The following COL6A2 variants were observed in gnomAD, a reference collection of about 807,000 sequenced individuals.
The protein encoded by COL6A2 is collagen alpha-2(VI) chain.
In COL6A2, 90 loss-of-function variants were observed where a neutral mutation model predicts 124.9. The ratio of observed to expected loss-of-function variants is 0.72; its 90% CI spans 0.61 to 0.86. The LOEUF (loss-of-function observed/expected upper bound fraction) is 0.86, where lower values mean the gene tolerates loss of function less well. Ranked by LOEUF, COL6A2 falls within the 40% of genes least tolerant of loss-of-function variation. COL6A2 has a pLI of 0.00. For synonymous variants in COL6A2, 793 were observed against 618.2 expected (o/e 1.28, Z -4.19); for missense variants, 1,607 against 1,502.5 (o/e 1.07, Z -1.15).
At chr21:46,111,936 G>GT in intron 2 of COL6A2, 43 bp from the exon 3 acceptor site, 1 of 1,587,844 alleles carries the variant, frequency 6.3e-7, no homozygotes, top group Non-Finnish European at 8.6e-7. Flanking sequence ...TCCAACAGCA[G>GT]TCCCTCCTGA....
At position 46,116,203 on chromosome 21, in the gene COL6A2, CA is replaced by C; in HGVS notation, c.900+154del. On this transcript the variant is annotated intron_variant, in intron 7 of 27. Transcript: ENST00000300527. This position sits in a 1 kb window ranked among gnomAD's most constrained non-coding sequence, Gnocchi z 4.6. ...CACCTCGATAACTTGATGGCCGTCCCAAAACCCAGCCTCCAGCCCGACCCAG... is the reference window on the plus strand; with the variant it reads ...CACCTCGATAACTTGATGGCCGTCCCAAACCCAGCCTCCAGCCCGACCCAG... 1 of 1,166,408 alleles carries C rather than the reference CA, an allele frequency of 8.6e-7. No homozygotes were observed. Among genetic ancestry groups the C allele is most frequent in the Non-Finnish European group, 1.2e-6 (1 of 800,840 alleles). The allele number at this position is 1,166,408 out of a possible 1,614,324, so 72.3% of individuals were successfully genotyped here. A position where few individuals can be genotyped will look rare whatever the true frequency, so the allele number is the denominator to read the frequency against.
Position 46,098,456 on chromosome 21 carries a change from T to TGGG in COL6A2, c.-28+288_-28+290dup, listed in dbSNP as rs34972836. On this transcript the variant is annotated intron_variant, in intron 1 of 27. Transcript: ENST00000300527. ...TGGGGCGGAGCCGGCCTGGGCGGGG[T>TGGG]GGGGGGGTCCCTGTCTGCGCCCGAG... Among the ~76,000 whole-genome samples, 222 of 151,020 alleles carry TGGG rather than the reference T, an allele frequency of 1.5e-3. 1 individual carries two copies. Among genetic ancestry groups the TGGG allele is most frequent in the African/African-American group, 5.2e-3 (213 of 41,280 alleles).
At chr21:46,124,156 T>TA (rs1334058356) in intron 21 of COL6A2, among the ~76,000 whole-genome samples, 1 of 149,016 alleles carries the variant, frequency 6.7e-6, no homozygotes, top group Non-Finnish European at 1.5e-5. Flanking sequence ...AGTGGATAGA[T>TA]AGATGGGTGG....
At chr21:46,104,294 G>T (rs1404589270) in intron 1 of COL6A2, among the ~76,000 whole-genome samples, 1 of 152,056 alleles carries the variant, frequency 6.6e-6, no homozygotes, top group Admixed American at 6.5e-5. Flanking sequence ...GAAAGTGAAA[G>T]AAAATGTAGG....
chr21:46,131,858 G>A (rs778737477), intron 27 of COL6A2, 96 bp from the exon 28 acceptor site: 5 of 1,174,124 alleles, frequency 4.3e-6, no homozygotes, highest in East Asian at 2.6e-5. Flanking sequence ...GAGGTTGCAG[G>A]CAGGGTGCGA....
chr21:46,132,087 G>A lies in COL6A2; in HGVS notation c.2595G>A (p.Leu865=), dbSNP rs1474756520. Residue 865 remains leucine, a synonymous_variant, in exon 28 of 28, where the codon CTG becomes CTA. Transcript: ENST00000300527. ...FVEQVARRLT[L]ARRDDDPLNA... ...AGCAGGTGGCGCGGCGGCTGACGCT[G>A]GCCCGGAGGGACGACGACCCTCTCA... 21 of 1,599,608 alleles carry A rather than the reference G, an allele frequency of 1.3e-5. No individual in the cohort carries two copies. The highest frequency in any genetic ancestry group is 1.7e-5 in the Non-Finnish European group (20 of 1,175,684).
chr21:46,121,523 G>A (rs2078565782), intron 17 of COL6A2, 33 bp from the exon 18 acceptor site: 1 of 1,609,864 alleles, frequency 6.2e-7, no homozygotes, highest in Non-Finnish European at 8.5e-7. Flanking sequence ...GTCCCTGCCT[G>A]TGCTGACTTC....
At chr21:46,129,373 G>A (rs138263499) in intron 27 of COL6A2, 58 of 1,612,990 alleles carry the variant, frequency 3.6e-5, no homozygotes, top group Middle Eastern at 1.6e-4. Context: ...ACCGCCGAGC[G>A]GGCCAAGTTC....
intron 25 of COL6A2, 58 bp from the exon 26 acceptor site, chr21:46,125,727 C>G: frequency 6.2e-7 from 1 of 1,601,020 alleles, no homozygotes; most frequent in Non-Finnish European, 8.5e-7. Context: ...CTCTGCATGG[C>G]TGGGGATGCC....
intron 27 of COL6A2, among the ~76,000 whole-genome samples, chr21:46,128,088 G>A (rs982180883): frequency 3.9e-5 from 6 of 152,166 alleles, no homozygotes; most frequent in Non-Finnish European, 5.9e-5. Flanking sequence ...CGTGGGCCTC[G>A]TAGGGTCCTG....
At chr21:46,121,923 C>T (rs891781678) in intron 18 of COL6A2, among the ~76,000 whole-genome samples, 185 bp from the exon 19 acceptor site, 7 of 152,108 alleles carry the variant, frequency 4.6e-5, no homozygotes, top group South Asian at 2.1e-4. Context: ...TCTCTAGGCA[C>T]GTCCAGCCCC....
Position 46,113,265 on chromosome 21 carries a change from C to A in COL6A2, c.735+441C>A, listed in dbSNP as rs114685799. On this transcript the variant is annotated intron_variant, in intron 4 of 27. Coordinates refer to ENST00000300527, the MANE Select transcript of COL6A2 (RefSeq NM_001849.4). ...TCCCCCGTGAGGCTTCCTGCAAAAA[C>A]GTGCCCTGCCTCAGAATCGCTGCTC... Among the ~76,000 whole-genome samples, 837 of 152,280 alleles carry A rather than the reference C, an allele frequency of 5.5e-3. 6 individuals carry two copies. The highest frequency in any genetic ancestry group is 0.019 in the African/African-American group (791 of 41,552).
rs779159544 is a variant in COL6A2 at position 46,125,473 on chromosome 21, A to C, written c.1825A>C (p.Lys609Gln). The C allele has an allele frequency of 6.2e-7, 1 of 1,604,388 alleles. No individual in the cohort carries two copies. Among genetic ancestry groups the C allele is most frequent in the Non-Finnish European group, 8.5e-7 (1 of 1,172,024 alleles). ...RETCGCCDCE[K>Q]RCGALDVVFV... The stretch of plus-strand genomic sequence containing the variant: ...CCCTGCCACCCCCCCAGACTGTGAG[A>C]AGCGCTGTGGCGCCCTGGACGTGGT... Residue 609 changes from lysine (K) to glutamine (Q), a missense_variant, in exon 25 of 28, where the codon AAG becomes CAG. Around this residue, in one of 3 missense-constraint regions of COL6A2, gnomAD observed 1,223 missense variants for 1,052.2 expected, o/e 1.16. Transcript: ENST00000300527.
chr21:46,111,076 T>C (rs915787), intron 1 of COL6A2, among the ~76,000 whole-genome samples: 125,261 of 152,158 alleles, frequency 0.82, 51,661 homozygotes, highest in East Asian at 0.89. Flanking sequence ...CTCTGCACTG[T>C]TTCCAGGGCA....
rs1188721465 is a variant in COL6A2 at position 46,132,043 on chromosome 21, A to G, written c.2551A>G (p.Lys851Glu). The change falls in exon 28 of 28, where the codon AAG becomes GAG. Residue 851 changes from lysine (K) to glutamate (E), a missense_variant. Coordinates refer to ENST00000300527, the MANE Select transcript of COL6A2 (RefSeq NM_001849.4). ...SERLGEQNFH[K>E]ARRFVEQVAR... ...GCGGCTGGGTGAGCAGAACTTCCAC[A>G]AGGCCCGGCGCTTCGTGGAGCAGGT... The G allele has an allele frequency of 2.5e-6, 4 of 1,608,022 alleles. No individual in the cohort carries two copies. Among genetic ancestry groups the G allele is most frequent in the Non-Finnish European group, 3.4e-6 (4 of 1,179,196 alleles).
chr21:46,132,563 C>CG lies in COL6A2; in HGVS notation c.*14dup. ...CGCTGGATCTGCTAGCGCCGCCGCC[C>CG]GGGCCCCGCAGTCGAGGGTCGTGAG... On this transcript the variant is annotated 3_prime_UTR_variant, in exon 28 of 28. Transcript: ENST00000300527. 6.3e-7 allele frequency: 1 copy of CG among 1,585,224 alleles called. No individual in the cohort carries two copies. Among genetic ancestry groups the CG allele is most frequent in the Non-Finnish European group, 8.5e-7 (1 of 1,171,136 alleles).
Position 46,112,633 on chromosome 21 carries a change from C to T in COL6A2, c.714+56C>T, listed in dbSNP as rs189875502. 4.2e-4 allele frequency: 666 copies of T among 1,598,224 alleles called. 1 individual carries two copies. Among genetic ancestry groups the T allele is most frequent in the Non-Finnish European group, 5.3e-4 (623 of 1,168,820 alleles). On this transcript the variant is annotated intron_variant, in intron 3 of 27. Transcript: ENST00000300527. The stretch of plus-strand genomic sequence containing the variant: ...GCCAGGGGTGGCCACGGTGGGCCGT[C>T]CACCCACTCCGGGCCTCACTTTACC...
intron 1 of COL6A2, among the ~76,000 whole-genome samples, chr21:46,100,340 TGG>T (rs1020827423): frequency 6.6e-6 from 1 of 152,134 alleles, no homozygotes; most frequent in Non-Finnish European, 1.5e-5. Flanking sequence ...TTGGGGTGTT[TGG>T]GGGGTTTTTT....
At chr21:46,127,308 C>CCTCA (rs1482407613) in intron 27 of COL6A2, among the ~76,000 whole-genome samples, 1 of 152,138 alleles carries the variant, frequency 6.6e-6, no homozygotes, top group African/African-American at 2.4e-5. Flanking sequence ...GTCAGCGCTT[C>CCTCA]CTCAGCACGC....
Sources: allele counts gnomAD v4.1 joint callset (sites outside exome capture counted in the v4.1 genomes callset), GRCh38; gene constraint gnomAD v4.1.1; regional missense constraint gnomAD v4.1.1; non-coding constraint Gnocchi (gnomAD v3.1); transcripts MANE v1.5; gene names NCBI Gene and HGNC (gene_info 2026-07-23, HGNC 2026-07-21).